Variants in PCDH15 observed in about 807,000 individuals in gnomAD.
The protein encoded by PCDH15 is protocadherin related 15.
A neutral mutation model predicts 178.5 loss-of-function variants in PCDH15; 129 were observed. That is an observed-to-expected ratio of 0.72 (90% confidence interval 0.63 to 0.84). The LOEUF (loss-of-function observed/expected upper bound fraction) is 0.84, where lower values mean the gene tolerates loss of function less well. Among genes scored for constraint, PCDH15 ranks in the 40% least tolerant of loss-of-function variants. The probability of loss-of-function intolerance (pLI) is 0.00; values close to 1 mark genes in which losing one functional copy is unlikely to be tolerated. For synonymous variants in PCDH15, 800 were observed against 732.0 expected, an observed-to-expected ratio of 1.09 and a Z score of -1.50; for missense variants, 2,230 against 2,099.9, an observed-to-expected ratio of 1.06 and a Z score of -1.21.
At chr10:55,538,083 A>G (rs1431601627) in intron 2 of PCDH15, among the ~76,000 whole-genome samples, 1 of 152,182 alleles carries the variant, frequency 6.6e-6, no homozygotes, top group Non-Finnish European at 1.5e-5. Flanking sequence ...GGATCAGATA[A>G]TCGTTTGCTC....
At chr10:54,794,327 C>A (rs1303719050) in intron 1 of PCDH15, among the ~76,000 whole-genome samples, 2 of 151,402 alleles carry the variant, frequency 1.3e-5, no homozygotes, top group Non-Finnish European at 3.0e-5. Context: ...ACAATGAAAC[C>A]TTATTATCTG....
At chr10:54,469,375 G>A (rs887005206) in intron 3 of PCDH15, among the ~76,000 whole-genome samples, 1 of 152,158 alleles carries the variant, frequency 6.6e-6, no homozygotes, top group Non-Finnish European at 1.5e-5. Context: ...GGGATTACAG[G>A]CATGAGCCAG....
At position 53,936,548 on chromosome 10, in the gene PCDH15, T is replaced by G. The variant is rs114355341; in HGVS notation, c.3373+2267A>C. On this transcript the variant is annotated intron_variant, in intron 25 of 37. Transcript: ENST00000644397. ...TGATACATGGAGGTTCACCGTAATA[T>G]TCTCTGTAATTTTTGTATGTTTGAA... Among the ~76,000 whole-genome samples the G allele has an allele frequency of 2.2e-3, 336 of 152,260 alleles. 2 individuals are homozygous for G. The highest frequency in any genetic ancestry group is 7.4e-3 in the African/African-American group (307 of 41,558).
intron 2 of PCDH15, among the ~76,000 whole-genome samples, chr10:55,349,164 G>A (rs113871145): frequency 7.3e-4 from 111 of 152,210 alleles, no homozygotes; most frequent in African/African-American, 2.5e-3. Context: ...GGACCAGGAA[G>A]ACAGTGTCCA....
chr10:54,686,506 C>A (rs1015028586), intron 1 of PCDH15, among the ~76,000 whole-genome samples: 1 of 152,002 alleles, frequency 6.6e-6, no homozygotes, highest in African/African-American at 2.4e-5. Context: ...CATCATGAAG[C>A]TTTTCCCTCA....
In PCDH15 at chr10:54,215,676, T is replaced by G. The variant is rs571573664; in HGVS notation, c.986-1628A>C. Among the ~76,000 whole-genome samples, 5 of 152,324 alleles carry G rather than the reference T, an allele frequency of 3.3e-5. No homozygotes were observed. The East Asian group carries it at 9.6e-4, about 29-fold the overall frequency. ...GAAAAAGAGATAAGTTTAACTATATTGCAAAATTGCATGGTGAGACACAAT... is the reference window on the plus strand; with the variant it reads ...GAAAAAGAGATAAGTTTAACTATATGGCAAAATTGCATGGTGAGACACAAT... On this transcript the variant is annotated intron_variant, in intron 9 of 37. Coordinates refer to ENST00000644397, the MANE Select transcript of PCDH15 (RefSeq NM_001384140.1).
At chr10:55,461,270 G>T (rs1377840651) in intron 2 of PCDH15, among the ~76,000 whole-genome samples, 1 of 152,072 alleles carries the variant, frequency 6.6e-6, no homozygotes, top group Non-Finnish European at 1.5e-5. Context: ...AGCTTTGCCT[G>T]GGATACTCCT....
At chr10:54,154,778 G>A (rs558455342) in intron 13 of PCDH15, among the ~76,000 whole-genome samples, 44 of 152,140 alleles carry the variant, frequency 2.9e-4, no homozygotes, top group Non-Finnish European at 5.7e-4. Context: ...TCCTGAGACT[G>A]GCTATTTGGG....
intron 3 of PCDH15, among the ~76,000 whole-genome samples, chr10:54,386,036 C>T (rs1445039628): frequency 6.6e-5 from 10 of 151,316 alleles, no homozygotes; most frequent in Admixed American, 3.3e-4. Flanking sequence ...GTTAGGTATA[C>T]AAGTACAACT....
chr10:54,057,182 T>C (rs1035851425), intron 18 of PCDH15, among the ~76,000 whole-genome samples: 2 of 152,180 alleles, frequency 1.3e-5, no homozygotes, highest in African/African-American at 4.8e-5. Flanking sequence ...ATTACTATTC[T>C]TGGGGCTGGA....
At chr10:54,484,997 A>G (rs1332117207) in intron 3 of PCDH15, among the ~76,000 whole-genome samples, 1 of 151,940 alleles carries the variant, frequency 6.6e-6, no homozygotes, top group Admixed American at 6.6e-5. Context: ...AGTTAAGGCT[A>G]CAGGAAGAGT....
At chr10:53,809,600 G>T in intron 37 of PCDH15, 1 of 1,523,654 alleles carries the variant, frequency 6.6e-7, no homozygotes, top group South Asian at 1.2e-5. Context: ...GCTATGGTAT[G>T]ACCTTGTCCC....
chr10:54,240,658 G>A (rs1230817993), intron 8 of PCDH15, among the ~76,000 whole-genome samples: 13 of 113,052 alleles, frequency 1.1e-4, no homozygotes, highest in East Asian at 5.1e-4. Context: ...TTGAGACAGA[G>A]TATCGCTCTG....
At chr10:54,391,501 G>A (rs1370855743) in intron 3 of PCDH15, among the ~76,000 whole-genome samples, 1 of 151,778 alleles carries the variant, frequency 6.6e-6, no homozygotes, top group African/African-American at 2.4e-5. Flanking sequence ...GAAAGCTTAA[G>A]AGAGGTGTGA....
At chr10:55,616,903 G>A (rs1298777483) in intron 2 of PCDH15, among the ~76,000 whole-genome samples, 2 of 151,872 alleles carry the variant, frequency 1.3e-5, no homozygotes, top group Non-Finnish European at 2.9e-5. Flanking sequence ...TAGTATTGTA[G>A]AATATACATT....
intron 3 of PCDH15, among the ~76,000 whole-genome samples, chr10:54,868,801 G>A (rs1034352035): frequency 2.6e-5 from 4 of 151,828 alleles, no homozygotes; most frequent in African/African-American, 9.7e-5. Context: ...GTTATTATCT[G>A]TACTACTAAT....
At chr10:53,807,725 C>T (rs1841291914) in intron 37 of PCDH15, among the ~76,000 whole-genome samples, 1 of 152,044 alleles carries the variant, frequency 6.6e-6, no homozygotes, top group Non-Finnish European at 1.5e-5. Context: ...TCCTGGTTTT[C>T]TGGGTTGTCC....
chr10:54,636,364 A>T (rs2093853258), intron 2 of PCDH15, among the ~76,000 whole-genome samples: 1 of 151,952 alleles, frequency 6.6e-6, no homozygotes, highest in Admixed American at 6.6e-5. Flanking sequence ...CCTCAGAGAT[A>T]ATCACTTTCC....
At chr10:54,913,959 G>T (rs12767364) in intron 2 of PCDH15, among the ~76,000 whole-genome samples, 30,184 of 152,116 alleles carry the variant, frequency 0.2, 3,548 homozygotes, top group Non-Finnish European at 0.27. Flanking sequence ...TCTTGTTTTT[G>T]ATTATACAGG....
Sources: allele counts gnomAD v4.1 joint callset (sites outside exome capture counted in the v4.1 genomes callset), GRCh38; gene constraint gnomAD v4.1.1; transcripts MANE v1.5; gene names NCBI Gene and HGNC (gene_info 2026-07-23, HGNC 2026-07-21).